Variants in TPRG1 observed in about 807,000 individuals in gnomAD.
The protein encoded by TPRG1 is tumor protein p63-regulated gene 1 protein.
In TPRG1, 29 loss-of-function variants were observed where a neutral mutation model predicts 29.3. That is an observed-to-expected ratio of 0.99 (90% CI 0.74 to 1.35). TPRG1 has a LOEUF of 1.35. TPRG1 is among the 40% of genes most tolerant of loss of function. The pLI is 0.00. For missense variants in TPRG1, 327 were observed against 335.0 expected, an observed-to-expected ratio of 0.98 and a Z score of 0.19; for synonymous variants, 130 against 116.8, an observed-to-expected ratio of 1.11 and a Z score of -0.73.
At chr3:189,192,772 G>A (rs1731895060) in intron 1 of TPRG1, among the ~76,000 whole-genome samples, 1 of 152,092 alleles carries the variant, frequency 6.6e-6, no homozygotes, top group Admixed American at 6.6e-5. Context: ...TGTTCTACCA[G>A]TGAATTTCAA....
chr3:189,312,138 T>C (rs1016699606), intron 5 of TPRG1, among the ~76,000 whole-genome samples: 2 of 37,616 alleles, frequency 5.3e-5, no homozygotes, highest in African/African-American at 1.2e-4. Flanking sequence ...TCTTTCTTTC[T>C]TTCTTTCTTT....
At chr3:189,152,465 GATGGTGGGACAGGC>G (rs1306283043) in intron 5 of TPRG1, among the ~76,000 whole-genome samples, 1 of 152,206 alleles carries the variant, frequency 6.6e-6, no homozygotes, top group Non-Finnish European at 1.5e-5. Flanking sequence ...AGGGATGTGT[GATGGTGGGACAGGC>G]ATGTCTGCTG....
At chr3:189,117,671 G>A (rs1721342090) in intron 1 of TPRG1, among the ~76,000 whole-genome samples, 1 of 152,172 alleles carries the variant, frequency 6.6e-6, no homozygotes, top group Admixed American at 6.5e-5. Flanking sequence ...GTGATAATGA[G>A]TGAGTCTCAC....
intron 4 of TPRG1, among the ~76,000 whole-genome samples, chr3:189,088,966 TGA>T (rs1271330469): frequency 6.3e-5 from 9 of 141,822 alleles, no homozygotes; most frequent in African/African-American, 2.1e-4. Flanking sequence ...GTGTATCTAT[TGA>T]TATCTATCTA....
chr3:189,190,859 C>G, intron 1 of TPRG1: 2 of 540,440 alleles, frequency 3.7e-6, no homozygotes, highest in Non-Finnish European at 4.7e-6. Context: ...TTCCTACTCC[C>G]CTCTTAGCTG....
intron 4 of TPRG1, among the ~76,000 whole-genome samples, chr3:189,259,989 T>A (rs1242185072): frequency 1.3e-5 from 2 of 152,194 alleles, no homozygotes; most frequent in African/African-American, 4.8e-5. Flanking sequence ...TCTTTCCCCA[T>A]ATTCTCATCT....
intron 4 of TPRG1, among the ~76,000 whole-genome samples, chr3:189,247,550 G>A (rs1167451719): frequency 6.6e-6 from 1 of 151,708 alleles, no homozygotes; most frequent in Middle Eastern, 3.2e-3. Context: ...TTGAAATTGT[G>A]GAGACTACTT....
chr3:189,119,305 A>G (rs967997438), intron 1 of TPRG1, among the ~76,000 whole-genome samples: 1 of 152,178 alleles, frequency 6.6e-6, no homozygotes, highest in African/African-American at 2.4e-5. Context: ...CCCCCATTGT[A>G]TCTAGGAAGT....
At chr3:189,279,337 C>A (rs1012172974) in intron 4 of TPRG1, among the ~76,000 whole-genome samples, 3 of 152,100 alleles carry the variant, frequency 2.0e-5, no homozygotes, top group Non-Finnish European at 2.9e-5. Flanking sequence ...GTAGAGATCA[C>A]AACTGGGAAA....
chr3:189,290,074 C>A (rs1718744646), intron 4 of TPRG1, among the ~76,000 whole-genome samples: 1 of 152,090 alleles, frequency 6.6e-6, no homozygotes, highest in Non-Finnish European at 1.5e-5. Flanking sequence ...GTGTTTATGG[C>A]AAGTGGTCAT....
chr3:189,169,375 C>T (rs923317523), upstream of TPRG1, among the ~76,000 whole-genome samples: 5 of 152,028 alleles, frequency 3.3e-5, no homozygotes, highest in Admixed American at 6.5e-5. Flanking sequence ...ATGTTGGCCA[C>T]GCTGGTCTTG....
At chr3:189,258,618 C>T (rs2109027800) in intron 4 of TPRG1, among the ~76,000 whole-genome samples, 1 of 152,290 alleles carries the variant, frequency 6.6e-6, no homozygotes, top group East Asian at 1.9e-4. Context: ...CCCCTTCCCC[C>T]AGGTGCTCTG....
chr3:189,088,034 A>G (rs889898718), intron 4 of TPRG1, among the ~76,000 whole-genome samples: 31 of 152,114 alleles, frequency 2.0e-4, no homozygotes, highest in Middle Eastern at 6.4e-3. Context: ...TTCCAATTCT[A>G]TGAAGAAAGT....
At chr3:189,214,969 TACAG>T (rs1735838978) in intron 2 of TPRG1, among the ~76,000 whole-genome samples, 1 of 134,382 alleles carries the variant, frequency 7.4e-6, no homozygotes, top group Admixed American at 8.9e-5. Flanking sequence ...TTTAAAAATG[TACAG>T]ATTCCTAAAG....
At chr3:189,227,335 C>T (rs1200749341) in intron 3 of TPRG1, among the ~76,000 whole-genome samples, 3 of 152,124 alleles carry the variant, frequency 2.0e-5, no homozygotes, top group Non-Finnish European at 4.4e-5. Context: ...AGAATCTCCC[C>T]CACCTTTCCT....
At chr3:189,178,999 A>G (rs1227716998) in intron 1 of TPRG1, among the ~76,000 whole-genome samples, 2 of 152,224 alleles carry the variant, frequency 1.3e-5, no homozygotes. Context: ...TGTCAACATA[A>G]GACTTCAGGT....
Position 189,321,135 on chromosome 3 carries a change from C to A in TPRG1, c.*315C>A. On this transcript the variant is annotated 3_prime_UTR_variant, in exon 6 of 6. Coordinates refer to ENST00000345063, the MANE Select transcript of TPRG1 (RefSeq NM_198485.4). Reference sequence around the variant, plus strand: ...CTCTAAGTCCTGTTGCTTCAGCTCTCTAAATGTAGGCTTTTTTTTTTTTTT... The same window carrying A: ...CTCTAAGTCCTGTTGCTTCAGCTCTATAAATGTAGGCTTTTTTTTTTTTTT... 3 of 170,600 alleles carry A rather than the reference C, an allele frequency of 1.8e-5. No individual in the cohort carries two copies. Among genetic ancestry groups the A allele is most frequent in the Non-Finnish European group, 2.4e-5 (2 of 83,538 alleles). The allele number at this position is 170,600 out of a possible 1,614,324, so 10.6% of individuals were successfully genotyped here.
rs571751808 is a variant in TPRG1, at chr3:189,250,942, A to T, written c.479+12033A>T. ...CTTACAGGTGTTCAGGGATTCATGC[A>T]TCATGAGCTATTGATCGCGGGCCTT... is the stretch of plus-strand genomic sequence containing the variant. On this transcript the variant is annotated intron_variant, in intron 4 of 5. Coordinates refer to ENST00000345063, the MANE Select transcript of TPRG1 (RefSeq NM_198485.4). 3.9e-5 allele frequency among the ~76,000 whole-genome samples: 6 copies of T among 152,170 alleles called. No homozygotes were observed. In the South Asian group the frequency reaches 6.2e-4, roughly 16 times the overall value.
intron 1 of TPRG1, among the ~76,000 whole-genome samples, chr3:189,101,405 TA>T (rs61327652): frequency 0.06 from 8,932 of 148,634 alleles, 843 homozygotes; most frequent in African/African-American, 0.2. Context: ...ACATTTATCT[TA>T]AAAAAAAAAA....
Sources: allele counts gnomAD v4.1 joint callset (sites outside exome capture counted in the v4.1 genomes callset), GRCh38; gene constraint gnomAD v4.1.1; transcripts MANE v1.5; gene names NCBI Gene and HGNC (gene_info 2026-07-23, HGNC 2026-07-21).